The following TRPC6 variants were observed in gnomAD, a reference collection of about 807,000 sequenced individuals.
TRPC6 encodes short transient receptor potential channel 6.
TRPC6 carries 55 observed loss-of-function variants against 90.7 expected under a neutral mutation model. The observed-to-expected ratio is 0.61, with a 90% CI of 0.49 to 0.76. TRPC6 has a LOEUF of 0.76. Ranked by LOEUF, TRPC6 falls within the 30% of genes least tolerant of loss-of-function variation. The pLI, the probability that TRPC6 is intolerant of heterozygous loss-of-function variation, is 0.00. For synonymous variants in TRPC6, 393 were observed against 393.0 expected (o/e 1.00, Z 0.00); for missense variants, 989 against 1,122.7 (o/e 0.88, Z 1.70).
intron 4 of TRPC6, among the ~76,000 whole-genome samples, chr11:101,487,191 G>C (rs1042950236): frequency 1.3e-5 from 2 of 152,094 alleles, no homozygotes; most frequent in African/African-American, 2.4e-5. Flanking sequence ...TATGGAAAAG[G>C]AAAATTATTC....
intron 2 of TRPC6, among the ~76,000 whole-genome samples, chr11:101,500,368 C>T (rs1591090793): frequency 6.6e-6 from 1 of 151,760 alleles, no homozygotes; most frequent in East Asian, 1.9e-4. Context: ...GCCATCATGC[C>T]CAGCTAATTT....
Position 101,583,548 on chromosome 11 carries a change from G to A in TRPC6, c.-45C>T. ...CCTGGGCCCCGCTCCCGGGGGAGCC[G>A]AGTGGGCAGTTCCAGCGGGGACCCG... is the stretch of plus-strand genomic sequence containing the variant. On this transcript the variant is annotated 5_prime_UTR_variant, in exon 1 of 13. Transcript: ENST00000344327. 3.5e-6 allele frequency: 5 copies of A among 1,412,856 alleles called. No individual in the cohort carries two copies. The highest frequency in any genetic ancestry group is 4.6e-6 in the Non-Finnish European group (5 of 1,089,056). The allele number at this position is 1,412,856 out of a possible 1,614,324, so 87.5% of individuals were successfully genotyped here.
At chr11:101,465,345 T>C (rs1401458916) in intron 10 of TRPC6, among the ~76,000 whole-genome samples, 1 of 152,214 alleles carries the variant, frequency 6.6e-6, no homozygotes, top group African/African-American at 2.4e-5. Flanking sequence ...TCTTACTGGG[T>C]TGGGGAATTT....
At chr11:101,467,812 G>A (rs1417816866) in intron 10 of TRPC6, among the ~76,000 whole-genome samples, 1 of 152,034 alleles carries the variant, frequency 6.6e-6, no homozygotes, top group Non-Finnish European at 1.5e-5. Flanking sequence ...CTGAAAACAG[G>A]CTGAAGACTA....
chr11:101,555,843 T>C (rs887123099), intron 1 of TRPC6, among the ~76,000 whole-genome samples: 5 of 151,826 alleles, frequency 3.3e-5, no homozygotes, highest in Non-Finnish European at 5.9e-5. Context: ...TCAAGACAGA[T>C]CACTTGTTAG....
intron 2 of TRPC6, among the ~76,000 whole-genome samples, chr11:101,495,447 G>C (rs1033431314): frequency 6.6e-6 from 1 of 151,950 alleles, no homozygotes; most frequent in African/African-American, 2.4e-5. Context: ...TGTGACTTTA[G>C]ATAAATGATA....
At chr11:101,531,362 G>C (rs1418101644) in intron 1 of TRPC6, among the ~76,000 whole-genome samples, 1 of 152,206 alleles carries the variant, frequency 6.6e-6, no homozygotes, top group African/African-American at 2.4e-5. Flanking sequence ...TAGCATAGCT[G>C]CTTACTGGTG....
intron 7 of TRPC6, among the ~76,000 whole-genome samples, chr11:101,473,297 G>A (rs1859336293): frequency 6.6e-6 from 1 of 152,042 alleles, no homozygotes; most frequent in African/African-American, 2.4e-5. Context: ...TATTTACCTG[G>A]CTCTAAAAAT....
intron 10 of TRPC6, among the ~76,000 whole-genome samples, chr11:101,462,115 G>T (rs2136651439): frequency 6.6e-6 from 1 of 152,292 alleles, no homozygotes; most frequent in East Asian, 1.9e-4. Context: ...TCAAAGATCA[G>T]ATGGTTGTAG....
chr11:101,492,480 A>C (rs74966448), intron 2 of TRPC6, among the ~76,000 whole-genome samples: 11,431 of 152,174 alleles, frequency 0.075, 483 homozygotes, highest in Middle Eastern at 0.14. Context: ...CCAGCTACTC[A>C]GGAGGCTGAG....
At chr11:101,521,199 G>A (rs540437279) in intron 1 of TRPC6, among the ~76,000 whole-genome samples, 19 of 151,104 alleles carry the variant, frequency 1.3e-4, no homozygotes, top group African/African-American at 4.4e-4. Flanking sequence ...TAGGAGGGAA[G>A]AATGGTTTCG....
At chr11:101,548,148 A>G (rs929213332) in intron 1 of TRPC6, among the ~76,000 whole-genome samples, 1 of 150,760 alleles carries the variant, frequency 6.6e-6, no homozygotes, top group African/African-American at 2.4e-5. Flanking sequence ...TTCAACAAAT[A>G]AGGTTTTCTA....
intron 1 of TRPC6, among the ~76,000 whole-genome samples, chr11:101,515,252 T>A (rs1860490621): frequency 2.0e-5 from 3 of 152,248 alleles, no homozygotes; most frequent in Admixed American, 6.5e-5. Flanking sequence ...CTGTTACATC[T>A]GCACCATGTG....
rs748198118 is a variant in TRPC6 at position 101,465,970 on chromosome 11, G to A, written c.2484+3457C>T. Reference sequence around the variant, plus strand: ...TCTACCTTTCGTCTTTGATGTTGGTGACCTCTGATGGGGTCTCTTGAGTGG... The same window carrying A: ...TCTACCTTTCGTCTTTGATGTTGGTAACCTCTGATGGGGTCTCTTGAGTGG... On this transcript the variant is annotated intron_variant, in intron 10 of 12. Transcript: ENST00000344327. Among the ~76,000 whole-genome samples the A allele has an allele frequency of 3.3e-5, 5 of 152,282 alleles. No homozygotes were observed. The South Asian group carries it at 6.2e-4, about 19-fold the overall frequency.
intron 1 of TRPC6, among the ~76,000 whole-genome samples, chr11:101,567,183 GA>G (rs1318894778): frequency 6.6e-6 from 1 of 152,102 alleles, no homozygotes; most frequent in Admixed American, 6.5e-5. Context: ...TAGGTGGGGG[GA>G]GGGGCGTCCG....
chr11:101,531,911 C>T (rs188891714), intron 1 of TRPC6, among the ~76,000 whole-genome samples: 1 of 152,262 alleles, frequency 6.6e-6, no homozygotes, highest in East Asian at 1.9e-4. Flanking sequence ...TCCTATCTGC[C>T]TGTTTTAGCC....
At chr11:101,579,570 T>C (rs528146038) in intron 1 of TRPC6, among the ~76,000 whole-genome samples, 2 of 152,326 alleles carry the variant, frequency 1.3e-5, no homozygotes, top group South Asian at 4.1e-4. Flanking sequence ...TTGATACTAG[T>C]CTTTCATAAT....
At position 101,491,833 on chromosome 11, in the gene TRPC6, ATTCTTTT is replaced by A. The variant is rs1859824468; in HGVS notation, c.946-102_946-96del. 96 of 782,338 alleles carry A rather than the reference ATTCTTTT, an allele frequency of 1.2e-4. No homozygotes were observed. In the South Asian group the frequency reaches 1.7e-3, roughly 14 times the overall value. 48.5% of individuals were successfully genotyped at this position (782,338 alleles called of 1,614,324 possible). A position where few individuals can be genotyped will look rare whatever the true frequency, so the allele number is the denominator to read the frequency against. ...AAGGATTTTATACTTTAAGAGAAACATTCTTTTTTTTTTTTTTTTTTTTTTGAGACGG... is the reference window on the plus strand; with the variant it reads ...AAGGATTTTATACTTTAAGAGAAACATTTTTTTTTTTTTTTTTTGAGACGG... On this transcript the variant is annotated intron_variant, in intron 2 of 12. Coordinates refer to ENST00000344327, the MANE Select transcript of TRPC6 (RefSeq NM_004621.6).
chr11:101,577,654 G>GCTCGCTGCCAGATA (rs1392256815), intron 1 of TRPC6, among the ~76,000 whole-genome samples: 1 of 152,156 alleles, frequency 6.6e-6, no homozygotes, highest in Non-Finnish European at 1.5e-5. Context: ...AAACAAGAAC[G>GCTCGCTGCCAGATA]CTCGCTGCCA....
Sources: allele counts gnomAD v4.1 joint callset (sites outside exome capture counted in the v4.1 genomes callset), GRCh38; gene constraint gnomAD v4.1.1; transcripts MANE v1.5; gene names NCBI Gene and HGNC (gene_info 2026-07-23, HGNC 2026-07-21).